BRF1: variants seen among roughly 807,000 people sequenced by gnomAD.
BRF1 encodes the protein BRF1 general transcription factor IIIB subunit.
In BRF1, 59 loss-of-function variants were observed where a neutral mutation model predicts 81.7. The ratio of observed to expected loss-of-function variants is 0.72; its 90% confidence interval spans 0.59 to 0.90. The LOEUF (loss-of-function observed/expected upper bound fraction) is 0.90. Among genes scored for constraint, BRF1 ranks in the 40% least tolerant of loss-of-function variants. The pLI is 0.00. For missense variants in BRF1, 1,050 were observed against 936.3 expected, an observed-to-expected ratio of 1.12 and a Z score of -1.58; for synonymous variants, 491 against 395.6, an observed-to-expected ratio of 1.24 and a Z score of -2.86.
chr14:105,254,330 C>T (rs1206997654), intron 4 of BRF1, among the ~76,000 whole-genome samples: 1 of 152,180 alleles, frequency 6.6e-6, no homozygotes, highest in Non-Finnish European at 1.5e-5. Flanking sequence ...AATCTCTGCT[C>T]ACTGCAAGCT....
Position 105,251,151 on chromosome 14 carries a change from C to G in BRF1, c.544+1356G>C, listed in dbSNP as rs58234100. Reference sequence around the variant, plus strand: ...ACAGTGGGGTATTCTCTTTCTCATGCAACAGAACAGCTCCCTCCCATCCCG... The same window carrying G: ...ACAGTGGGGTATTCTCTTTCTCATGGAACAGAACAGCTCCCTCCCATCCCG... On this transcript the variant is annotated intron_variant, in intron 5 of 17. Coordinates refer to ENST00000547530, the MANE Select transcript of BRF1 (RefSeq NM_001519.4). The G allele has an allele frequency of 9.4e-3, 1,577 of 166,918 alleles. 32 individuals are homozygous for G. Among genetic ancestry groups the G allele is most frequent in the African/African-American group, 0.036 (1,506 of 41,720 alleles). The allele number at this position is 166,918 out of a possible 1,614,324, so 10.3% of individuals were successfully genotyped here.
chr14:105,217,205 G>A (rs77249182), intron 15 of BRF1: 7,108 of 431,334 alleles, frequency 0.016, 434 homozygotes, highest in African/African-American at 0.13. Context: ...GGCACAGGGC[G>A]GCAGGGCTGG....
chr14:105,292,605 C>A (rs587772054), intron 1 of BRF1, among the ~76,000 whole-genome samples: 1 of 152,246 alleles, frequency 6.6e-6, no homozygotes, highest in African/African-American at 2.4e-5. Context: ...CAGGTGAGTG[C>A]CCAAAGGAGG....
In BRF1 at chr14:105,315,200, G is replaced by T. The variant is rs1264385612; in HGVS notation, c.-162+122C>A. 1 of 257,662 alleles carries T rather than the reference G, an allele frequency of 3.9e-6. No homozygotes were observed. The highest frequency in any genetic ancestry group is 6.3e-6 in the Non-Finnish European group (1 of 159,590). The allele number at this position is 257,662 out of a possible 1,614,324, so 16.0% of individuals were successfully genotyped here. On this transcript the variant is annotated intron_variant, in intron 1 of 17. Transcript: ENST00000327359. This position sits in a 1 kb window ranked among gnomAD's most constrained non-coding sequence, Gnocchi z 4.4. ...CGACGCGTGCAGCCGCCGCCCCCCCGCAGCTCCGGCAAGCGCGGCCCCAGC... is the reference window on the plus strand; with the variant it reads ...CGACGCGTGCAGCCGCCGCCCCCCCTCAGCTCCGGCAAGCGCGGCCCCAGC...
intron 7 of BRF1, chr14:105,227,350 G>A (rs1013618012): frequency 1.3e-5 from 2 of 153,470 alleles, no homozygotes; most frequent in African/African-American, 2.4e-5. Context: ...AATCCAGGAG[G>A]CGGAGCTTGC....
At chr14:105,253,497 C>T (rs1347161855) in intron 4 of BRF1, among the ~76,000 whole-genome samples, 1 of 152,234 alleles carries the variant, frequency 6.6e-6, no homozygotes, top group African/African-American at 2.4e-5. Flanking sequence ...CTCGTGGGCC[C>T]TTAGACAAGT....
At chr14:105,280,723 GA>G (rs375404967) in intron 2 of BRF1, among the ~76,000 whole-genome samples, 3 of 152,194 alleles carry the variant, frequency 2.0e-5, no homozygotes, top group African/African-American at 7.2e-5. Flanking sequence ...CGGGTGTGCG[GA>G]TACAGCCCGC....
chr14:105,241,522 C>T (rs1430441702), intron 5 of BRF1, 108 bp from the exon 6 acceptor site: 4 of 1,397,050 alleles, frequency 2.9e-6, no homozygotes, highest in Admixed American at 3.9e-5. Context: ...TTTCCAGGCC[C>T]CCAGGCCCCC....
chr14:105,302,428 C>A (rs967021862), upstream of BRF1, among the ~76,000 whole-genome samples: 2 of 151,902 alleles, frequency 1.3e-5, no homozygotes, highest in Non-Finnish European at 2.9e-5. Context: ...GTCTTGAACT[C>A]CCGACCTCAG....
chr14:105,292,853 C>T (rs1319238359), intron 1 of BRF1, among the ~76,000 whole-genome samples: 1 of 151,996 alleles, frequency 6.6e-6, no homozygotes, highest in African/African-American at 2.4e-5. Context: ...CACACCCCTT[C>T]CCCAGGCCCA....
rs2058280420 is a variant in BRF1 at position 105,309,301 on chromosome 14, C to T, written c.-162+6021G>A. ...GAGGGGAGAGTTTTATTCCTGAATC[C>T]AGGTCATGCTGTGTTCAACTTTACA... is the stretch of plus-strand genomic sequence containing the variant. On this transcript the variant is annotated intron_variant, in intron 1 of 17. Coordinates refer to the BRF1 transcript ENST00000327359. This position sits in a 1 kb window ranked among gnomAD's most constrained non-coding sequence, Gnocchi z 4.0. 6.6e-6 allele frequency among the ~76,000 whole-genome samples: 1 copy of T among 152,138 alleles called. No homozygotes were observed.
chr14:105,217,817 A>C lies in BRF1; in HGVS notation c.1516-17T>G. On this transcript the variant is annotated splice_polypyrimidine_tract_variant and intron_variant, in intron 14 of 17. Coordinates refer to ENST00000547530, the MANE Select transcript of BRF1 (RefSeq NM_001519.4). ...CTTCTTGGGCTTGAGGGAAACAAGC[A>C]AGAATGCCTCCCGTGAGTCACGCCC... 6.2e-7 allele frequency: 1 copy of C among 1,606,896 alleles called. No individual in the cohort carries two copies. The highest frequency in any genetic ancestry group is 8.5e-7 in the Non-Finnish European group (1 of 1,176,126).
At position 105,252,534 on chromosome 14, in the gene BRF1, C is replaced by G; in HGVS notation, c.517G>C (p.Glu173Gln). The G allele has an allele frequency of 1.9e-6, 3 of 1,613,916 alleles. No individual in the cohort carries two copies. The highest frequency in any genetic ancestry group is 2.5e-6 in the Non-Finnish European group (3 of 1,180,000). Reference sequence around the variant, plus strand: ...ATGGCCGGCGCATTGATGCAGAGCTCTCTTGCCAAGAGAAGAAACGTCTTT... The same window carrying G: ...ATGGCCGGCGCATTGATGCAGAGCTGTCTTGCCAAGAGAAGAAACGTCTTT... ...LGKTFLLLAR[E>Q]LCINAPAIDP... Residue 173 changes from glutamate (E) to glutamine (Q), a missense_variant, in exon 5 of 18, where the codon GAG becomes CAG. Coordinates refer to ENST00000547530, the MANE Select transcript of BRF1 (RefSeq NM_001519.4).
At chr14:105,287,571 T>C (rs1420151751) in intron 1 of BRF1, among the ~76,000 whole-genome samples, 1 of 151,990 alleles carries the variant, frequency 6.6e-6, no homozygotes, top group Non-Finnish European at 1.5e-5. Flanking sequence ...CGGAGGACAC[T>C]GGAAGGATAG....
intron 3 of BRF1, among the ~76,000 whole-genome samples, chr14:105,272,391 C>T (rs1426515984): frequency 6.6e-6 from 1 of 152,232 alleles, no homozygotes; most frequent in African/African-American, 2.4e-5. Flanking sequence ...GCCTGAACCA[C>T]AGGGGACGTG....
intron 3 of BRF1, among the ~76,000 whole-genome samples, chr14:105,260,389 C>T (rs587726495): frequency 1.6e-3 from 247 of 151,622 alleles, no homozygotes; most frequent in African/African-American, 5.7e-3. Flanking sequence ...TTTTTTTTCC[C>T]GAGATGAAGT....
In BRF1 at chr14:105,309,974, C is replaced by T. The variant is rs587757064; in HGVS notation, c.-162+5348G>A. On this transcript the variant is annotated intron_variant, in intron 1 of 17. Coordinates refer to the BRF1 transcript ENST00000327359. The surrounding 1 kb of genome is among the most constrained non-coding windows in gnomAD (Gnocchi z 4.0). ...CTAATTTTTGTATTTTTAGTAGAGA[C>T]GGGGTTTCAGTGTATTGGTCAGGCT... is the stretch of plus-strand genomic sequence containing the variant. Among the ~76,000 whole-genome samples, 2 of 151,384 alleles carry T rather than the reference C, an allele frequency of 1.3e-5. No homozygotes were observed. Among genetic ancestry groups the T allele is most frequent in the African/African-American group, 2.4e-5 (1 of 41,344 alleles).
intron 3 of BRF1, among the ~76,000 whole-genome samples, chr14:105,258,544 T>C (rs1373030980): frequency 6.9e-6 from 1 of 145,684 alleles, no homozygotes; most frequent in Non-Finnish European, 1.5e-5. Flanking sequence ...ACGCCTGTAA[T>C]CCCAACACTT....
intron 5 of BRF1, chr14:105,249,432 A>C (rs587616624): frequency 6.2e-7 from 1 of 1,612,022 alleles, no homozygotes; most frequent in African/African-American, 1.3e-5. Flanking sequence ...CAAATCTGAA[A>C]TTCACATTCC....
Sources: gnomAD v4.1 joint callset for allele counts (sites outside exome capture counted in the v4.1 genomes callset) on GRCh38, gnomAD v4.1.1 for gene constraint, Gnocchi (gnomAD v3.1) non-coding constraint, MANE v1.5 for transcripts, NCBI Gene and HGNC (gene_info 2026-07-23, HGNC 2026-07-21) for gene names.